Variants in SLC35F4 observed in about 807,000 individuals in gnomAD.
The protein encoded by SLC35F4 is chromosome 14 open reading frame 36.
In SLC35F4, 24 loss-of-function variants were observed where a neutral mutation model predicts 44.2. The ratio of observed to expected loss-of-function variants is 0.54; its 90% confidence interval spans 0.39 to 0.76. SLC35F4 has a LOEUF of 0.76. Among genes scored for constraint, SLC35F4 ranks in the 30% least tolerant of loss-of-function variants. SLC35F4 has a pLI of 0.00. For missense variants in SLC35F4, 562 were observed against 586.1 expected, an observed-to-expected ratio of 0.96 and a Z score of 0.42; for synonymous variants, 238 against 223.6, an observed-to-expected ratio of 1.06 and a Z score of -0.57.
chr14:57,671,661 G>T (rs888582407), intron 1 of SLC35F4, among the ~76,000 whole-genome samples: 1 of 151,844 alleles, frequency 6.6e-6, no homozygotes, highest in African/African-American at 2.4e-5. Context: ...ATAACCAGCG[G>T]TGGTGGCTAT....
chr14:57,768,941 T>C (rs906043296), intron 1 of SLC35F4, among the ~76,000 whole-genome samples: 6 of 152,068 alleles, frequency 3.9e-5, no homozygotes, highest in Non-Finnish European at 8.8e-5. Context: ...TTAGTAGCGA[T>C]AGGGTTTCAC....
At chr14:57,897,668 T>C (rs973690840) in intron 1 of SLC35F4, among the ~76,000 whole-genome samples, 2 of 152,032 alleles carry the variant, frequency 1.3e-5, no homozygotes, top group African/African-American at 4.8e-5. Context: ...TTTTAAAAGG[T>C]GGTTACTCTG....
intron 1 of SLC35F4, among the ~76,000 whole-genome samples, chr14:57,660,724 T>C (rs1251372388): frequency 2.0e-5 from 3 of 152,062 alleles, no homozygotes; most frequent in African/African-American, 7.2e-5. Flanking sequence ...TTGTGAGCAT[T>C]CTGAGAAAAG....
intron 2 of SLC35F4, 137 bp downstream of exon 2, chr14:57,593,802 T>TC (rs2070333218): frequency 1.1e-6 from 1 of 913,062 alleles, no homozygotes; most frequent in Admixed American, 2.8e-5. Flanking sequence ...TTCCTTATCC[T>TC]CCGGCTTGAT....
intron 6 of SLC35F4, among the ~76,000 whole-genome samples, chr14:57,566,808 A>T (rs1334293381): frequency 1.3e-5 from 2 of 152,230 alleles, no homozygotes; most frequent in Admixed American, 6.5e-5. Flanking sequence ...ATATGGACAA[A>T]TACAAAGAGG....
chr14:57,709,786 C>A (rs1018853736), intron 1 of SLC35F4, among the ~76,000 whole-genome samples: 3 of 152,098 alleles, frequency 2.0e-5, no homozygotes, highest in African/African-American at 7.2e-5. Flanking sequence ...AATTTCTAAG[C>A]AGTAAAGCAT....
chr14:57,704,355 T>C (rs2075616292), intron 1 of SLC35F4, among the ~76,000 whole-genome samples: 1 of 152,168 alleles, frequency 6.6e-6, no homozygotes, highest in Non-Finnish European at 1.5e-5. Context: ...ACTTCTATGG[T>C]TTCAGTTTCT....
At chr14:57,933,305 G>C (rs888450579) in intron 1 of SLC35F4, among the ~76,000 whole-genome samples, 1 of 152,108 alleles carries the variant, frequency 6.6e-6, no homozygotes, top group African/African-American at 2.4e-5. Context: ...TTACAGGCGT[G>C]AGCCACCACA....
At chr14:57,963,809 A>C (rs56279601) in intron 1 of SLC35F4, among the ~76,000 whole-genome samples, 2,301 of 143,654 alleles carry the variant, frequency 0.016, 52 homozygotes, top group African/African-American at 0.056. Flanking sequence ...TGCCACTTCA[A>C]CTTCCTGGGC....
At chr14:57,638,137 T>C (rs2073086174) in intron 1 of SLC35F4, among the ~76,000 whole-genome samples, 1 of 152,150 alleles carries the variant, frequency 6.6e-6, no homozygotes, top group African/African-American at 2.4e-5. Context: ...GTAAGCGATA[T>C]TGAAACAATT....
chr14:57,770,371 T>C (rs2077334591), intron 1 of SLC35F4, among the ~76,000 whole-genome samples: 1 of 152,220 alleles, frequency 6.6e-6, no homozygotes, highest in South Asian at 2.1e-4. Flanking sequence ...TTCGTATGTA[T>C]GTTGTAGGGG....
chr14:57,777,882 A>C (rs944470881), intron 1 of SLC35F4, among the ~76,000 whole-genome samples: 6 of 152,160 alleles, frequency 3.9e-5, no homozygotes, highest in Non-Finnish European at 8.8e-5. Flanking sequence ...AATGACACCC[A>C]TAAACTCAAA....
intron 1 of SLC35F4, among the ~76,000 whole-genome samples, chr14:57,612,416 T>C (rs1445933476): frequency 6.6e-6 from 1 of 152,226 alleles, no homozygotes; most frequent in Admixed American, 6.5e-5. Flanking sequence ...GCCAACATTC[T>C]ATGAATTCAT....
intron 1 of SLC35F4, among the ~76,000 whole-genome samples, chr14:57,669,951 A>G (rs2074456297): frequency 1.3e-5 from 2 of 152,012 alleles, no homozygotes; most frequent in Non-Finnish European, 2.9e-5. Flanking sequence ...CTATGAATCC[A>G]TCTGGTCCTG....
rs1415664066 is a variant in SLC35F4, at chr14:57,860,428, T to C, written c.103+5295A>G. Among the ~76,000 whole-genome samples the C allele has an allele frequency of 2.0e-5, 3 of 152,138 alleles. No individual in the cohort carries two copies. In the East Asian group the frequency reaches 5.8e-4, roughly 29 times the overall value. Reference sequence around the variant, plus strand: ...TACCTTTCCAGGGAAGGTGGGACTGTTTGGAAAGCTGTCAAAGCTGACCTA... The same window carrying C: ...TACCTTTCCAGGGAAGGTGGGACTGCTTGGAAAGCTGTCAAAGCTGACCTA... On this transcript the variant is annotated intron_variant, in intron 1 of 7. Transcript: ENST00000556826.
intron 1 of SLC35F4, among the ~76,000 whole-genome samples, chr14:57,852,411 A>T (rs1458601325): frequency 6.6e-6 from 1 of 152,204 alleles, no homozygotes; most frequent in African/African-American, 2.4e-5. Context: ...GTAAGATCTT[A>T]TAAGCTGCGT....
chr14:57,890,318 G>A (rs552379663), intron 1 of SLC35F4, among the ~76,000 whole-genome samples: 3 of 152,180 alleles, frequency 2.0e-5, no homozygotes, highest in South Asian at 2.1e-4. Flanking sequence ...AGGTCAACCC[G>A]CAGACCCAAG....
At chr14:57,772,604 G>A (rs1371308672) in intron 1 of SLC35F4, among the ~76,000 whole-genome samples, 30 of 152,228 alleles carry the variant, frequency 2.0e-4, no homozygotes, top group Admixed American at 2.0e-3. Context: ...CCACTTATAA[G>A]TGAGGACATG....
chr14:57,977,942 G>C (rs1189854403), intron 1 of SLC35F4, among the ~76,000 whole-genome samples: 1 of 152,188 alleles, frequency 6.6e-6, no homozygotes, highest in Non-Finnish European at 1.5e-5. Context: ...TGTACTTTTG[G>C]CCAGTGGTAA....
Sources: allele counts gnomAD v4.1 joint callset (sites outside exome capture counted in the v4.1 genomes callset), GRCh38; gene constraint gnomAD v4.1.1; transcripts MANE v1.5; gene names NCBI Gene and HGNC (gene_info 2026-07-23, HGNC 2026-07-21).